FAM186A: variants seen among roughly 807,000 people sequenced by gnomAD.
The protein encoded by FAM186A is protein FAM186A.
FAM186A carries 163 observed loss-of-function variants against 216.8 expected under a neutral mutation model. That is an observed-to-expected ratio of 0.75 (90% CI 0.66 to 0.86). The LOEUF (loss-of-function observed/expected upper bound fraction) is 0.86, where lower values mean the gene tolerates loss of function less well. FAM186A is among the 40% of genes least tolerant of loss of function. FAM186A has a pLI of 0.00. For synonymous variants in FAM186A, 805 were observed against 1,025.3 expected (o/e 0.79, Z 4.10); for missense variants, 2,184 against 2,746.2 (o/e 0.80, Z 4.58).
chr12:50,372,374 A>G (rs1049708411), intron 1 of FAM186A, among the ~76,000 whole-genome samples: 2 of 151,072 alleles, frequency 1.3e-5, no homozygotes, highest in Admixed American at 1.3e-4. Context: ...AGGGTGGATC[A>G]TGAGGTCAGG....
At chr12:50,377,789 C>G (rs536879067) in intron 1 of FAM186A, among the ~76,000 whole-genome samples, 1 of 147,984 alleles carries the variant, frequency 6.8e-6, no homozygotes, top group African/African-American at 2.5e-5. Context: ...GAGCCAAGAT[C>G]GTGCCACTTC....
intron 1 of FAM186A, among the ~76,000 whole-genome samples, chr12:50,380,799 C>G (rs1943247689): frequency 6.6e-6 from 1 of 152,188 alleles, no homozygotes; most frequent in Non-Finnish European, 1.5e-5. Flanking sequence ...GCCCACTGGG[C>G]TCCTTTCGCC....
At chr12:50,328,155 ATTGT>A (rs1250123341) in intron 7 of FAM186A, among the ~76,000 whole-genome samples, 2 of 152,222 alleles carry the variant, frequency 1.3e-5, no homozygotes, top group African/African-American at 2.4e-5. Context: ...TTGGTGTAGC[ATTGT>A]TTGCAATGTT....
intron 7 of FAM186A, among the ~76,000 whole-genome samples, chr12:50,329,691 G>A (rs1942638135): frequency 6.6e-6 from 1 of 151,506 alleles, no homozygotes; most frequent in South Asian, 2.1e-4. Flanking sequence ...TCCACCTCCT[G>A]GGCTCAAGCA....
chr12:50,366,127 C>CAA, intron 1 of FAM186A: 11 of 447,882 alleles, frequency 2.5e-5, no homozygotes, highest in East Asian at 3.8e-5. Flanking sequence ...ATACTTGAAA[C>CAA]AAAAAAAAAA....
intron 1 of FAM186A, among the ~76,000 whole-genome samples, chr12:50,393,946 T>G (rs1466428290): frequency 6.6e-6 from 1 of 152,042 alleles, no homozygotes; most frequent in South Asian, 2.1e-4. Flanking sequence ...TGAGGCAGAG[T>G]CTTGCTCTGT....
At chr12:50,358,490 G>C (rs1942999395) in intron 3 of FAM186A, among the ~76,000 whole-genome samples, 1 of 152,078 alleles carries the variant, frequency 6.6e-6, no homozygotes, top group South Asian at 2.1e-4. Context: ...GACTGAGGCA[G>C]GAGGATCCCT....
intron 1 of FAM186A, among the ~76,000 whole-genome samples, chr12:50,383,442 A>G (rs928288615): frequency 2.6e-5 from 4 of 151,622 alleles, no homozygotes; most frequent in African/African-American, 7.3e-5. Flanking sequence ...TAAAAATACA[A>G]AAAATTAGCT....
At position 50,396,457 on chromosome 12, in the gene FAM186A, C is replaced by T; in HGVS notation, c.28G>A (p.Asp10Asn). 1.3e-6 allele frequency: 2 copies of T among 1,538,718 alleles called. No individual in the cohort carries two copies. Among genetic ancestry groups the T allele is most frequent in the Non-Finnish European group, 1.7e-6 (2 of 1,143,694 alleles). ...CATTTTTCTGATTCAGGGTCATTGT[C>T]TATCTCATTTTTCATTTTGAAGAAC... Reference protein sequence around the residue: MFFKMKNEIDNDPESEKCIK... With the variant: MFFKMKNEINNDPESEKCIK... Residue 10 changes from aspartate (D) to asparagine (N), a missense_variant, in exon 1 of 8, where the codon GAC (aspartate) becomes AAC (asparagine). This residue lies in a region of FAM186A where 1,132 missense variants were observed against 1,263.4 expected (regional missense o/e 0.90). Transcript: ENST00000327337.
At chr12:50,365,548 G>T in intron 1 of FAM186A, 2 of 360,814 alleles carry the variant, frequency 5.5e-6, no homozygotes, top group Admixed American at 4.3e-5. Flanking sequence ...TTTCATTTTG[G>T]CTTCAGACAA....
In FAM186A at chr12:50,338,481, A is replaced by T. The variant is rs10783351; in HGVS notation, c.6504-4378T>A. Reference sequence around the variant, plus strand: ...CTCCCAAAGTGCTGGGATTACAGGCATGAGCTACCATGCCTGGCCTCAACC... The same window carrying T: ...CTCCCAAAGTGCTGGGATTACAGGCTTGAGCTACCATGCCTGGCCTCAACC... On this transcript the variant is annotated intron_variant, in intron 4 of 7. Coordinates refer to ENST00000327337, the MANE Select transcript of FAM186A (RefSeq NM_001145475.3). Among the ~76,000 whole-genome samples, 1,153 of 152,250 alleles carry T rather than the reference A, an allele frequency of 7.6e-3. 15 individuals carry two copies. The highest frequency in any genetic ancestry group is 0.026 in the African/African-American group (1,065 of 41,530).
chr12:50,346,102 C>T (rs1592603547), intron 4 of FAM186A, among the ~76,000 whole-genome samples: 1 of 142,590 alleles, frequency 7.0e-6, no homozygotes, highest in South Asian at 2.3e-4. Context: ...GTCTGTGAGG[C>T]AGAAGTTGCA....
chr12:50,337,725 G>C (rs193188191), intron 4 of FAM186A, among the ~76,000 whole-genome samples: 2 of 151,820 alleles, frequency 1.3e-5, no homozygotes, highest in African/African-American at 2.4e-5. Context: ...GTGAAACCCC[G>C]TCCCTACTAA....
chr12:50,391,060 C>T (rs1025639781), intron 1 of FAM186A, among the ~76,000 whole-genome samples: 5 of 151,858 alleles, frequency 3.3e-5, no homozygotes, highest in Non-Finnish European at 7.4e-5. Context: ...GCGATTGTGG[C>T]TCACTGCAAC....
At position 50,352,177 on chromosome 12, in the gene FAM186A, C is replaced by A; in HGVS notation, c.4655G>T (p.Gly1552Val). Reference protein sequence around the residue: ...PLTPQQVQALGIPLIPPQAQE... With the variant: ...PLTPQQVQALVIPLIPPQAQE... ...AGCCTGCGGAGGGATGAGAGGGATC[C>A]CCAGGGCCTGGACCTGCTGAGGGGT... The change falls in exon 4 of 8, where the codon GGG becomes GTG. Residue 1552 changes from glycine to valine, a missense_variant. Physicochemically the swap from Gly to Val is moderately radical, Grantham distance 109. Around this residue, in one of 7 missense-constraint regions of FAM186A, gnomAD observed 16 missense variants for 91.3 expected, o/e 0.18. Coordinates refer to ENST00000327337, the MANE Select transcript of FAM186A (RefSeq NM_001145475.3). The A allele has an allele frequency of 1.3e-6, 2 of 1,524,648 alleles. No homozygotes were observed. The highest frequency in any genetic ancestry group is 1.8e-6 in the Non-Finnish European group (2 of 1,136,180). The allele number at this position is 1,524,648 out of a possible 1,614,324, so 94.4% of individuals were successfully genotyped here.
intron 1 of FAM186A, among the ~76,000 whole-genome samples, chr12:50,377,090 T>G (rs950768769): frequency 2.0e-5 from 3 of 151,966 alleles, no homozygotes; most frequent in Non-Finnish European, 2.9e-5. Flanking sequence ...GGCAATCTTC[T>G]GGAAGTGGAA....
At position 50,354,542 on chromosome 12, in the gene FAM186A, A is replaced by C. The variant is rs1440155357; in HGVS notation, c.2290T>G (p.Phe764Val). Residue 764 changes from phenylalanine (F) to valine (V), a missense_variant, in exon 4 of 8, where the codon TTT becomes GTT. Physicochemically the swap from Phe to Val is conservative, Grantham distance 50. Around this residue, in one of 7 missense-constraint regions of FAM186A, gnomAD observed 1,132 missense variants for 1,263.4 expected, o/e 0.90. Transcript: ENST00000327337. ...TTTGCACTAATTGGTGACTTCTGAA[A>C]ATGCAATCCTGGCATAAATGAGACT... ...KVVSFMPGLH[F>V]QKSPISAKSE... The C allele has an allele frequency of 6.4e-7, 1 of 1,551,682 alleles. No individual in the cohort carries two copies. The highest frequency in any genetic ancestry group is 2.0e-5 in the Admixed American group (1 of 51,010).
At position 50,356,049 on chromosome 12, in the gene FAM186A, T is replaced by C. The variant is rs918295801; in HGVS notation, c.783A>G (p.Ile261Met). The part of the protein sequence containing the change: ...STLENNAIKY[I>M]SSTIVNLSTA... ...TAGAAAGGTTTACTATTGTTGATGA[T>C]ATATATTTAATAGCATTGTTTTCCA... Residue 261 changes from isoleucine (I) to methionine (M), a missense_variant, in exon 4 of 8, where the codon ATA (isoleucine) becomes ATG (methionine). Around this residue, in one of 7 missense-constraint regions of FAM186A, gnomAD observed 1,132 missense variants for 1,263.4 expected, o/e 0.90. Coordinates refer to ENST00000327337, the MANE Select transcript of FAM186A (RefSeq NM_001145475.3). 19 of 1,551,608 alleles carry C rather than the reference T, an allele frequency of 1.2e-5. No individual in the cohort carries two copies. The highest frequency in any genetic ancestry group is 1.6e-5 in the Non-Finnish European group (18 of 1,146,932).
intron 1 of FAM186A, among the ~76,000 whole-genome samples, chr12:50,390,272 A>G (rs1231222161): frequency 6.6e-6 from 1 of 152,120 alleles, no homozygotes; most frequent in African/African-American, 2.4e-5. Flanking sequence ...ACACTCTGTT[A>G]CAAGGTCAGC....
Sources: allele counts gnomAD v4.1 joint callset (sites outside exome capture counted in the v4.1 genomes callset), GRCh38; gene constraint gnomAD v4.1.1; regional missense constraint gnomAD v4.1.1; transcripts MANE v1.5; gene names NCBI Gene and HGNC (gene_info 2026-07-23, HGNC 2026-07-21).